Variants in PRKN observed in about 807,000 individuals in gnomAD.
PRKN encodes the protein E3 ubiquitin-protein ligase parkin.
Under a neutral mutation model 59.5 loss-of-function variants are expected in PRKN, and 56 were observed. The observed-to-expected ratio is 0.94, with a 90% CI of 0.76 to 1.18. The LOEUF (loss-of-function observed/expected upper bound fraction) is 1.18. Among genes scored for constraint, PRKN ranks in the 50% most tolerant of loss-of-function variants. The pLI is 0.00. For missense variants in PRKN, 657 were observed against 596.4 expected (o/e 1.10, Z -1.06); for synonymous variants, 250 against 222.1 (o/e 1.13, Z -1.12).
chr6:161,435,475 C>T (rs1398819772), intron 9 of PRKN, among the ~76,000 whole-genome samples: 1 of 151,908 alleles, frequency 6.6e-6, no homozygotes, highest in Admixed American at 6.6e-5. Context: ...TACAAATATT[C>T]ATATGAGCTT....
intron 7 of PRKN, among the ~76,000 whole-genome samples, chr6:161,647,230 C>T (rs1783989838): frequency 6.6e-6 from 1 of 152,166 alleles, no homozygotes; most frequent in African/African-American, 2.4e-5. Context: ...AGAGCCTTTT[C>T]ATATATTGTT....
At chr6:162,284,729 G>A (rs774832638) in intron 2 of PRKN, among the ~76,000 whole-genome samples, 3 of 152,112 alleles carry the variant, frequency 2.0e-5, no homozygotes, top group Non-Finnish European at 1.5e-5. Context: ...AATGATATTC[G>A]TATACATCTG....
At chr6:162,331,001 G>A (rs1394743677) in intron 2 of PRKN, among the ~76,000 whole-genome samples, 1 of 151,984 alleles carries the variant, frequency 6.6e-6, no homozygotes, top group African/African-American at 2.4e-5. Context: ...CAGATATATC[G>A]TTTCAGGTTT....
At chr6:161,370,890 C>T (rs189197299) in intron 10 of PRKN, among the ~76,000 whole-genome samples, 130 of 152,338 alleles carry the variant, frequency 8.5e-4, no homozygotes, top group Middle Eastern at 3.4e-3. Context: ...CATCAACGCT[C>T]GCCTCTCTTC....
At chr6:162,471,009 C>G (rs1158235643) in intron 1 of PRKN, among the ~76,000 whole-genome samples, 2 of 151,642 alleles carry the variant, frequency 1.3e-5, no homozygotes, top group East Asian at 3.9e-4. Context: ...GATCGGCCAG[C>G]CTCGGCTACC....
At position 162,319,618 on chromosome 6, in the gene PRKN, T is replaced by G. The variant is rs534742089; in HGVS notation, c.172-56853A>C. ...CATTCATTATCTCATTAAATTGTCC[T>G]AACAAACCAATAAGGAAAATACATT... is the stretch of plus-strand genomic sequence containing the variant. On this transcript the variant is annotated intron_variant, in intron 2 of 11. Coordinates refer to ENST00000366898, the MANE Select transcript of PRKN (RefSeq NM_004562.3). Among the ~76,000 whole-genome samples the G allele has an allele frequency of 3.0e-4, 45 of 152,090 alleles. 1 individual carries two copies. Among genetic ancestry groups the G allele is most frequent in the African/African-American group, 9.1e-4 (38 of 41,544 alleles).
chr6:162,053,383 TAC>T (rs1248978207), intron 5 of PRKN, among the ~76,000 whole-genome samples: 1 of 152,170 alleles, frequency 6.6e-6, no homozygotes. Flanking sequence ...AGGAAATGTA[TAC>T]AGTTAGATTA....
rs1284785740 is a variant in PRKN, at chr6:162,103,059, A to AG, written c.535-48886dup. ...CTCTGTCTCAAAAAAAAAAAAAAAA[A>AG]GAAAAAAAGAAATACATAACTTGAA... On this transcript the variant is annotated intron_variant, in intron 4 of 11. Coordinates refer to ENST00000366898, the MANE Select transcript of PRKN (RefSeq NM_004562.3). Among the ~76,000 whole-genome samples the AG allele has an allele frequency of 2.0e-3, 296 of 151,390 alleles. 2 individuals carry two copies. Among genetic ancestry groups the AG allele is most frequent in the Non-Finnish European group, 3.6e-3 (242 of 67,806 alleles).
intron 1 of PRKN, among the ~76,000 whole-genome samples, chr6:162,636,297 C>G (rs1777709115): frequency 6.6e-6 from 1 of 151,640 alleles, no homozygotes; most frequent in African/African-American, 2.4e-5. Context: ...GCTTTAAGCC[C>G]AACATGAAAT....
At chr6:161,738,231 T>C (rs1304089533) in intron 7 of PRKN, among the ~76,000 whole-genome samples, 2 of 152,208 alleles carry the variant, frequency 1.3e-5, no homozygotes, top group East Asian at 1.9e-4. Context: ...TATTACTGAA[T>C]TGGTGTCTTT....
intron 5 of PRKN, among the ~76,000 whole-genome samples, chr6:161,997,754 T>C (rs1159065517): frequency 6.6e-6 from 1 of 152,132 alleles, no homozygotes; most frequent in Admixed American, 6.5e-5. Flanking sequence ...CAAACCAAAA[T>C]ACATGAGGGT....
chr6:161,432,692 G>A (rs775392438), intron 9 of PRKN, among the ~76,000 whole-genome samples: 2 of 151,720 alleles, frequency 1.3e-5, no homozygotes, highest in East Asian at 1.9e-4. Flanking sequence ...TCTGATTTTA[G>A]CTATTGGTGT....
intron 1 of PRKN, among the ~76,000 whole-genome samples, chr6:162,549,123 G>C (rs944013485): frequency 6.6e-6 from 1 of 152,020 alleles, no homozygotes; most frequent in Non-Finnish European, 1.5e-5. Flanking sequence ...TCATGAGTGG[G>C]ATTAGAGATC....
chr6:162,430,688 A>G (rs1789479855), intron 2 of PRKN, among the ~76,000 whole-genome samples: 1 of 152,142 alleles, frequency 6.6e-6, no homozygotes, highest in Non-Finnish European at 1.5e-5. Flanking sequence ...AGGCCACATT[A>G]ATAGGCAGAT....
intron 1 of PRKN, among the ~76,000 whole-genome samples, chr6:162,486,379 T>C (rs60707138): frequency 0.23 from 34,853 of 152,198 alleles, 4,947 homozygotes; most frequent in African/African-American, 0.39. Context: ...ACTACAGTTC[T>C]ACCACATTTT....
At chr6:162,346,828 G>C (rs1784422994) in intron 2 of PRKN, among the ~76,000 whole-genome samples, 1 of 151,860 alleles carries the variant, frequency 6.6e-6, no homozygotes, top group Non-Finnish European at 1.5e-5. Flanking sequence ...CTCCAGACAG[G>C]TATATCTGGA....
intron 7 of PRKN, among the ~76,000 whole-genome samples, chr6:161,605,211 T>C (rs2128144598): frequency 6.6e-6 from 1 of 152,326 alleles, no homozygotes; most frequent in East Asian, 1.9e-4. Context: ...GAGAATTTCA[T>C]ATTAGATCAT....
chr6:161,572,823 A>T (rs1780943517), intron 7 of PRKN, among the ~76,000 whole-genome samples: 1 of 152,208 alleles, frequency 6.6e-6, no homozygotes, highest in Admixed American at 6.5e-5. Flanking sequence ...ACTAGAGACC[A>T]CGGAGACTTG....
intron 1 of PRKN, among the ~76,000 whole-genome samples, chr6:162,656,208 ATTAAT>A (rs1778634360): frequency 6.6e-6 from 1 of 152,244 alleles, no homozygotes; most frequent in Non-Finnish European, 1.5e-5. Context: ...CTACATATGT[ATTAAT>A]TTAAGAGCAA....
Sources: allele counts gnomAD v4.1 joint callset (sites outside exome capture counted in the v4.1 genomes callset), GRCh38; gene constraint gnomAD v4.1.1; transcripts MANE v1.5; gene names NCBI Gene and HGNC (gene_info 2026-07-23, HGNC 2026-07-21).